LTBP1: variants seen among roughly 807,000 people sequenced by gnomAD.
LTBP1 encodes the protein latent-transforming growth factor beta-binding protein 1.
Under a neutral mutation model 207.6 loss-of-function variants are expected in LTBP1, and 129 were observed. The observed-to-expected ratio is 0.62, with a 90% CI of 0.54 to 0.72. LTBP1 has a LOEUF of 0.72. Among genes scored for constraint, LTBP1 ranks in the 30% least tolerant of loss-of-function variants. The pLI, the probability that LTBP1 is intolerant of heterozygous loss-of-function variation, is 0.00. For synonymous variants in LTBP1, 963 were observed against 833.7 expected (o/e 1.16, Z -2.67); for missense variants, 2,281 against 2,217.2 (o/e 1.03, Z -0.58).
intron 2 of LTBP1, among the ~76,000 whole-genome samples, chr2:32,996,806 C>T (rs958209604): frequency 2.6e-5 from 4 of 152,132 alleles, no homozygotes; most frequent in Non-Finnish European, 5.9e-5. Context: ...GAAATGTACA[C>T]CCAGGCCAGT....
intron 19 of LTBP1, among the ~76,000 whole-genome samples, chr2:33,288,583 C>T (rs6711027): frequency 0.36 from 54,234 of 151,908 alleles, 10,514 homozygotes; most frequent in Admixed American, 0.42. Flanking sequence ...AGGCCAGGTG[C>T]GGTGGCTCAC....
At chr2:33,059,511 G>A (rs2077165616) in intron 3 of LTBP1, among the ~76,000 whole-genome samples, 1 of 152,144 alleles carries the variant, frequency 6.6e-6, no homozygotes, top group Non-Finnish European at 1.5e-5. Context: ...GGGCTGAGCT[G>A]AAAAATTTGG....
chr2:33,338,355 C>A (rs749219322), intron 24 of LTBP1, among the ~76,000 whole-genome samples: 2 of 152,166 alleles, frequency 1.3e-5, no homozygotes, highest in Non-Finnish European at 2.9e-5. Flanking sequence ...GAGAAATCAT[C>A]ATCTGCTATA....
chr2:32,980,518 GTAGTTTC>G, intron 2 of LTBP1, among the ~76,000 whole-genome samples: 1 of 152,160 alleles, frequency 6.6e-6, no homozygotes, highest in South Asian at 2.1e-4. Flanking sequence ...TTAACTTTTT[GTAGTTTC>G]TATTTATATC....
At chr2:33,170,760 C>A (rs1437718683) in intron 5 of LTBP1, among the ~76,000 whole-genome samples, 3 of 151,922 alleles carry the variant, frequency 2.0e-5, no homozygotes, top group African/African-American at 7.3e-5. Flanking sequence ...GAGGCACCCC[C>A]CAGTAGGGGC....
chr2:32,976,021 C>G (rs1338611373), intron 2 of LTBP1, among the ~76,000 whole-genome samples: 1 of 152,180 alleles, frequency 6.6e-6, no homozygotes, highest in African/African-American at 2.4e-5. Context: ...TCTTTCTCAT[C>G]TGTGTGGGCT....
At position 33,381,328 on chromosome 2, in the gene LTBP1, C is replaced by T. The variant is rs57555315; in HGVS notation, c.4712-7856C>T. 8.2e-3 allele frequency among the ~76,000 whole-genome samples: 1,245 copies of T among 152,232 alleles called. 22 individuals carry two copies. Among genetic ancestry groups the T allele is most frequent in the African/African-American group, 0.028 (1,163 of 41,530 alleles). Reference sequence around the variant, plus strand: ...TTTGGCATTTCTACCCAACAAATCTCTTTTTTCATTTTGTCTTGCTAAATA... The same window carrying T: ...TTTGGCATTTCTACCCAACAAATCTTTTTTTTCATTTTGTCTTGCTAAATA... On this transcript the variant is annotated intron_variant, in intron 31 of 33. Transcript: ENST00000404816.
At chr2:33,343,330 G>A (rs1013027888) in intron 25 of LTBP1, among the ~76,000 whole-genome samples, 1 of 150,476 alleles carries the variant, frequency 6.6e-6, no homozygotes, top group Non-Finnish European at 1.5e-5. Flanking sequence ...AGGATCTCAT[G>A]TGCCCAGGAG....
chr2:33,338,066 C>G (rs1446516952), intron 24 of LTBP1, among the ~76,000 whole-genome samples: 1 of 152,188 alleles, frequency 6.6e-6, no homozygotes, highest in Non-Finnish European at 1.5e-5. Flanking sequence ...CAAATGTCCT[C>G]TTATTAAGCT....
At chr2:33,287,246 G>A (rs1558950078) in intron 19 of LTBP1, among the ~76,000 whole-genome samples, 1 of 152,184 alleles carries the variant, frequency 6.6e-6, no homozygotes, top group African/African-American at 2.4e-5. Context: ...AGTCATCTCT[G>A]TAGTACAAGT....
intron 5 of LTBP1, among the ~76,000 whole-genome samples, chr2:33,135,598 G>A (rs952841385): frequency 6.6e-6 from 1 of 152,166 alleles, no homozygotes; most frequent in Non-Finnish European, 1.5e-5. Context: ...AGACAGACTG[G>A]TAGATTACTC....
In LTBP1 at chr2:33,116,371, T is replaced by C. The variant is rs796810490; in HGVS notation, c.1033+5620T>C. On this transcript the variant is annotated intron_variant, in intron 4 of 33. Coordinates refer to ENST00000404816, the MANE Select transcript of LTBP1 (RefSeq NM_206943.4). ...CATCTAAAGTTTTAGTTCTTTAAAT[T>C]CAACAAGGCAGAAATTTTACGTTTT... Among the ~76,000 whole-genome samples the C allele has an allele frequency of 7.2e-5, 11 of 152,318 alleles. 1 individual carries two copies. The highest frequency in any genetic ancestry group is 2.6e-4 in the African/African-American group (11 of 41,576).
intron 19 of LTBP1, among the ~76,000 whole-genome samples, chr2:33,286,178 T>G (rs1490347309): frequency 6.6e-6 from 1 of 152,200 alleles, no homozygotes; most frequent in East Asian, 1.9e-4. Context: ...GTGTAATCTT[T>G]CTTTTTTAAC....
rs113678621 is a variant in LTBP1 at position 33,053,505 on chromosome 2, C to T, written c.863+32299C>T. Reference sequence around the variant, plus strand: ...GCTGGCAGCCCTCGCAGCCCTCGCTCGCTCTCGGTGCTTCCTCGGCCTCGG... The same window carrying T: ...GCTGGCAGCCCTCGCAGCCCTCGCTTGCTCTCGGTGCTTCCTCGGCCTCGG... On this transcript the variant is annotated intron_variant, in intron 3 of 33. Transcript: ENST00000404816. 1.5e-3 allele frequency among the ~76,000 whole-genome samples: 224 copies of T among 152,166 alleles called. 1 individual carries two copies. Among genetic ancestry groups the T allele is most frequent in the African/African-American group, 4.8e-3 (201 of 41,536 alleles).
At chr2:33,355,509 G>A (rs944843191) in intron 26 of LTBP1, among the ~76,000 whole-genome samples, 1 of 151,942 alleles carries the variant, frequency 6.6e-6, no homozygotes, top group African/African-American at 2.4e-5. Context: ...ATTTGTTTTT[G>A]TATGTTTTTT....
At chr2:33,277,668 T>TA (rs1011079720) in intron 18 of LTBP1, among the ~76,000 whole-genome samples, 2 of 151,622 alleles carry the variant, frequency 1.3e-5, no homozygotes, top group Non-Finnish European at 2.9e-5. Flanking sequence ...GGGAGTGCTT[T>TA]AAAAAAATGG....
intron 3 of LTBP1, among the ~76,000 whole-genome samples, chr2:33,074,773 G>A (rs1166904176): frequency 6.6e-6 from 1 of 152,042 alleles, no homozygotes; most frequent in Non-Finnish European, 1.5e-5. Flanking sequence ...GGGAGGCTGA[G>A]GCAGGAGAAT....
rs867452696 is a variant in LTBP1, at chr2:33,103,603, G to T, written c.864-6979G>T. 8.4e-3 allele frequency among the ~76,000 whole-genome samples: 1,204 copies of T among 143,112 alleles called. 11 individuals are homozygous for T. The highest frequency in any genetic ancestry group is 0.011 in the South Asian group (46 of 4,160). 93.9% of individuals were successfully genotyped at this position (143,112 alleles called of 152,430 possible). A position where few individuals can be genotyped will look rare whatever the true frequency, so the allele number is the denominator to read the frequency against. On this transcript the variant is annotated intron_variant, in intron 3 of 33. Transcript: ENST00000404816. Reference sequence around the variant, plus strand: ...TCCGTTTACGTGTGTGTGTGTGTGTGTGTGTGTGTGTGTGTGTGTGTGTGA... The same window carrying T: ...TCCGTTTACGTGTGTGTGTGTGTGTTTGTGTGTGTGTGTGTGTGTGTGTGA...
chr2:33,304,729 G>A (rs995787366), intron 22 of LTBP1, among the ~76,000 whole-genome samples: 2 of 152,104 alleles, frequency 1.3e-5, no homozygotes, highest in African/African-American at 4.8e-5. Context: ...GTTGCTCCCT[G>A]CAGTCCTTTA....
Sources: gnomAD v4.1 joint callset for allele counts (sites outside exome capture counted in the v4.1 genomes callset) on GRCh38, gnomAD v4.1.1 for gene constraint, MANE v1.5 for transcripts, NCBI Gene and HGNC (gene_info 2026-07-23, HGNC 2026-07-21) for gene names.